Variants in KDELR1 observed in about 807,000 individuals in gnomAD.
KDELR1 encodes the protein KDEL endoplasmic reticulum protein retention receptor 1, also known as ER lumen protein-retaining receptor 1.
Under a neutral mutation model 25.5 loss-of-function variants are expected in KDELR1, and 16 were observed. The observed-to-expected ratio is 0.63, with a 90% CI of 0.43 to 0.95. The LOEUF (loss-of-function observed/expected upper bound fraction) is 0.95, where lower values mean the gene tolerates loss of function less well. Among genes scored for constraint, KDELR1 ranks in the 40% least tolerant of loss-of-function variants. The probability of loss-of-function intolerance (pLI) is 0.00; values close to 1 mark genes in which losing one functional copy is unlikely to be tolerated. For missense variants in KDELR1, 159 were observed against 265.2 expected, an observed-to-expected ratio of 0.60 and a Z score of 2.78; for synonymous variants, 121 against 115.0, an observed-to-expected ratio of 1.05 and a Z score of -0.33.
intron 3 of KDELR1, among the ~76,000 whole-genome samples, chr19:48,387,519 T>C (rs1463975422): frequency 6.6e-6 from 1 of 151,720 alleles, no homozygotes; most frequent in Non-Finnish European, 1.5e-5. Flanking sequence ...CCATCTCTAC[T>C]AGAAACACAA....
At position 48,391,442 on chromosome 19, in the gene KDELR1, A is replaced by T; in HGVS notation, c.-84T>A. 1.8e-6 allele frequency: 2 copies of T among 1,117,742 alleles called. No individual in the cohort carries two copies. Among genetic ancestry groups the T allele is most frequent in the Non-Finnish European group, 2.6e-6 (2 of 756,600 alleles). The allele number at this position is 1,117,742 out of a possible 1,614,324, so 69.2% of individuals were successfully genotyped here. A position where few individuals can be genotyped will look rare whatever the true frequency, so the allele number is the denominator to read the frequency against. On this transcript the variant is annotated 5_prime_UTR_variant, in exon 1 of 5. Transcript: ENST00000330720. Reference sequence around the variant, plus strand: ...CCCGAGGCTGCTGGTCTGAACGGGTAGCTGGGCTGGGGGGACGGAAGAGGG... The same window carrying T: ...CCCGAGGCTGCTGGTCTGAACGGGTTGCTGGGCTGGGGGGACGGAAGAGGG...
At chr19:48,393,762 C>G (rs1970593346), upstream of KDELR1, among the ~76,000 whole-genome samples, 1 of 152,068 alleles carries the variant, frequency 6.6e-6, no homozygotes, top group Admixed American at 6.5e-5. This position sits in a 1 kb window ranked among gnomAD's most constrained non-coding sequence, Gnocchi z 5.6. Flanking sequence ...GCCACCCTCG[C>G]CCGCAGCCTC....
At chr19:48,394,589 T>A (rs1214696927), upstream of KDELR1, among the ~76,000 whole-genome samples, 5 of 146,004 alleles carry the variant, frequency 3.4e-5, no homozygotes, top group African/African-American at 7.7e-5. The surrounding 1 kb of genome is among the most constrained non-coding windows in gnomAD (Gnocchi z 5.1). Context: ...GGAGGGGGGA[T>A]CCCCACGGGG....
rs1479620147 is a variant in KDELR1 at position 48,382,737 on chromosome 19, CAA to C, written c.*554_*555del. ...AAAACCAGGAGAAGACCAAAAAATT[CAA>C]ACTCTGGGGAAAAAAATTACTATGA... On this transcript the variant is annotated 3_prime_UTR_variant, in exon 5 of 5. Transcript: ENST00000330720. 1 of 153,068 alleles carries C rather than the reference CAA, an allele frequency of 6.5e-6. No individual in the cohort carries two copies. Among genetic ancestry groups the C allele is most frequent in the Non-Finnish European group, 1.5e-5 (1 of 68,526 alleles). The allele number at this position is 153,068 out of a possible 1,614,324, so 9.5% of individuals were successfully genotyped here.
upstream of KDELR1, chr19:48,391,654 C>T (rs1174336225): frequency 6.9e-6 from 3 of 433,380 alleles, no homozygotes; most frequent in Admixed American, 7.6e-5. Flanking sequence ...CCTGCTTTGC[C>T]GTGGCGGCGC....
chr19:48,397,185 G>C, the KDELR1 span, among the ~76,000 whole-genome samples: 1 of 152,072 alleles, frequency 6.6e-6, no homozygotes, highest in Non-Finnish European at 1.5e-5. Context: ...TGAGGGGATG[G>C]GGACAGGACT....
intron 3 of KDELR1, among the ~76,000 whole-genome samples, chr19:48,386,174 C>T (rs932397559): frequency 4.7e-5 from 7 of 149,734 alleles, no homozygotes; most frequent in African/African-American, 1.2e-4. Flanking sequence ...AGTGCAGTGG[C>T]GCGATCTCGG....
intron 1 of KDELR1, 23 bp from the exon 2 acceptor site, chr19:48,390,547 GAGAGAGAGAGAGAGAC>G (rs1569053430): frequency 7.3e-6 from 7 of 958,358 alleles, no homozygotes; most frequent in Non-Finnish European, 1.1e-5. Context: ...GACAGAGAAA[GAGAGAGAGAGAGAGAC>G]AGAGAGAGAG....
intron 3 of KDELR1, among the ~76,000 whole-genome samples, chr19:48,386,640 G>T (rs1361272746): frequency 1.3e-5 from 2 of 150,430 alleles, no homozygotes; most frequent in African/African-American, 4.9e-5. Context: ...TAGACAGGGG[G>T]TTTCAGCATC....
At chr19:48,390,360 T>A in intron 2 of KDELR1, 64 bp downstream of exon 2, 1 of 1,217,682 alleles carries the variant, frequency 8.2e-7, no homozygotes, top group Admixed American at 1.8e-5. Flanking sequence ...GACCTAGGAG[T>A]CTGGGACCCA....
upstream of KDELR1, chr19:48,394,818 C>A: frequency 6.4e-6 from 1 of 155,494 alleles, no homozygotes; most frequent in Non-Finnish European, 1.4e-5. The surrounding 1 kb of genome is among the most constrained non-coding windows in gnomAD (Gnocchi z 5.1). Context: ...GCCGCCGCCC[C>A]GGGGCCTGCC....
At chr19:48,396,201 G>T (rs568389486), upstream of KDELR1, among the ~76,000 whole-genome samples, 97 of 152,116 alleles carry the variant, frequency 6.4e-4, no homozygotes, top group Non-Finnish European at 1.1e-3. Context: ...GGGTTGTCCA[G>T]AGGCTGGACT....
At chr19:48,393,216 C>T (rs544781646), upstream of KDELR1, among the ~76,000 whole-genome samples, 18 of 149,834 alleles carry the variant, frequency 1.2e-4, no homozygotes, top group African/African-American at 4.4e-4. This position sits in a 1 kb window ranked among gnomAD's most constrained non-coding sequence, Gnocchi z 5.6. Flanking sequence ...GAAGGGGACT[C>T]CTGGGTCTGA....
intron 3 of KDELR1, among the ~76,000 whole-genome samples, chr19:48,387,192 G>A (rs1970504047): frequency 6.6e-6 from 1 of 152,010 alleles, no homozygotes; most frequent in Non-Finnish European, 1.5e-5. Flanking sequence ...CTAGTCAACA[G>A]GGCAGTTATG....
intron 4 of KDELR1, among the ~76,000 whole-genome samples, 191 bp from the exon 5 acceptor site, chr19:48,383,518 T>C (rs1421768867): frequency 6.6e-6 from 1 of 152,104 alleles, no homozygotes; most frequent in African/African-American, 2.4e-5. Flanking sequence ...ATTTTCTTTC[T>C]TTCTTTTTTT....
Position 48,384,563 on chromosome 19 carries a change from T to G in KDELR1, c.352-81A>C, listed in dbSNP as rs942642844. On this transcript the variant is annotated intron_variant, in intron 3 of 4. Coordinates refer to ENST00000330720, the MANE Select transcript of KDELR1 (RefSeq NM_006801.3). This position sits in a 1 kb window ranked among gnomAD's most constrained non-coding sequence, Gnocchi z 4.6. ...CAGAGGACAACATTGCAGTTACAGG[T>G]GCCGCGAAGGTGGAGAGAAGGAAGG... is the stretch of plus-strand genomic sequence containing the variant. The G allele has an allele frequency of 9.3e-6, 14 of 1,508,174 alleles. No homozygotes were observed. The highest frequency in any genetic ancestry group is 2.0e-5 in the Admixed American group (1 of 50,086). 93.4% of individuals were successfully genotyped at this position (1,508,174 alleles called of 1,614,324 possible).
At chr19:48,386,669 A>G (rs1046453403) in intron 3 of KDELR1, among the ~76,000 whole-genome samples, 2 of 148,218 alleles carry the variant, frequency 1.3e-5, no homozygotes, top group Non-Finnish European at 3.0e-5. Context: ...GCTGGTCTTG[A>G]ACCCCTGACC....
At chr19:48,393,565 G>A (rs2147427751), upstream of KDELR1, among the ~76,000 whole-genome samples, 1 of 152,208 alleles carries the variant, frequency 6.6e-6, no homozygotes, top group African/African-American at 2.4e-5. The surrounding 1 kb of genome is among the most constrained non-coding windows in gnomAD (Gnocchi z 5.6). Flanking sequence ...GGTGGGGGGC[G>A]GCCCCCTCCC....
At position 48,384,668 on chromosome 19, in the gene KDELR1, G is replaced by C. The variant is rs1246610821; in HGVS notation, c.352-186C>G. ...CTGATTTAATCATCACCATGGCCCGGCGAGGAGATCCTATGATTAGCACAC... is the reference window on the plus strand; with the variant it reads ...CTGATTTAATCATCACCATGGCCCGCCGAGGAGATCCTATGATTAGCACAC... On this transcript the variant is annotated intron_variant, in intron 3 of 4. Coordinates refer to ENST00000330720, the MANE Select transcript of KDELR1 (RefSeq NM_006801.3). This position sits in a 1 kb window ranked among gnomAD's most constrained non-coding sequence, Gnocchi z 4.6. Among the ~76,000 whole-genome samples the C allele has an allele frequency of 6.6e-6, 1 of 152,096 alleles. No individual in the cohort carries two copies. Among genetic ancestry groups the C allele is most frequent in the East Asian group, 1.9e-4 (1 of 5,192 alleles).
Sources: allele counts gnomAD v4.1 joint callset (sites outside exome capture counted in the v4.1 genomes callset), GRCh38; gene constraint gnomAD v4.1.1; non-coding constraint Gnocchi (gnomAD v3.1); transcripts MANE v1.5; gene names NCBI Gene and HGNC (gene_info 2026-07-23, HGNC 2026-07-21).